HEATR1: variants seen among roughly 807,000 people sequenced by gnomAD.
The protein encoded by HEATR1 is HEAT repeat containing 1, also known as HEAT repeat-containing protein 1.
HEATR1 carries 77 observed loss-of-function variants against 248.2 expected under a neutral mutation model. The observed-to-expected ratio is 0.31, with a 90% CI of 0.26 to 0.37. The LOEUF is 0.37. Ranked by LOEUF, HEATR1 falls within the 10% of genes least tolerant of loss-of-function variation. HEATR1 has a pLI of 1.00. For missense variants in HEATR1, 2,420 were observed against 2,504.9 expected, an observed-to-expected ratio of 0.97 and a Z score of 0.72; for synonymous variants, 897 against 923.1, an observed-to-expected ratio of 0.97 and a Z score of 0.51.
intron 36 of HEATR1, 148 bp from the exon 37 acceptor site, chr1:236,557,493 T>C (rs1663010733): frequency 1.1e-5 from 8 of 750,466 alleles, no homozygotes; most frequent in Non-Finnish European, 1.7e-5. Context: ...CTATACATTT[T>C]ATGTGGCTAA....
At chr1:236,597,125 CA>C (rs59433755) in intron 5 of HEATR1, 149 bp from the exon 6 acceptor site, 7,924 of 376,616 alleles carry the variant, frequency 0.021, 1 homozygote, top group South Asian at 0.053. Context: ...TCCATGTCTC[CA>C]AAAAAAAAAA....
chr1:236,569,196 C>T lies in HEATR1; in HGVS notation c.3949-72G>A, dbSNP rs978642957. The stretch of plus-strand genomic sequence containing the variant: ...TACTAATTTTTTTTTCAAGAGATAG[C>T]GTCTCGCTCCGTCATTCAGGCTGGG... On this transcript the variant is annotated intron_variant, in intron 28 of 44. Coordinates refer to ENST00000366582, the MANE Select transcript of HEATR1 (RefSeq NM_018072.6). 6.2e-5 allele frequency: 71 copies of T among 1,150,314 alleles called. 1 individual carries two copies. Among genetic ancestry groups the T allele is most frequent in the Non-Finnish European group, 7.0e-5 (58 of 827,536 alleles). 71.3% of individuals were successfully genotyped at this position (1,150,314 alleles called of 1,614,324 possible). A position where few individuals can be genotyped will look rare whatever the true frequency, so the allele number is the denominator to read the frequency against.
chr1:236,591,989 A>C lies in HEATR1; in HGVS notation c.1422+4T>G. 1 of 1,532,328 alleles carries C rather than the reference A, an allele frequency of 6.5e-7. No individual in the cohort carries two copies. The highest frequency in any genetic ancestry group is 9.0e-7 in the Non-Finnish European group (1 of 1,108,388). The allele number at this position is 1,532,328 out of a possible 1,614,324, so 94.9% of individuals were successfully genotyped here. A position where few individuals can be genotyped will look rare whatever the true frequency, so the allele number is the denominator to read the frequency against. ...TGTCATAATTCCTTTGGAGAACAAC[A>C]TACCTGATACTTTCCTCCACTTGTA... is the stretch of plus-strand genomic sequence containing the variant. On this transcript the variant is annotated splice_donor_region_variant and intron_variant, in intron 11 of 44. Coordinates refer to ENST00000366582, the MANE Select transcript of HEATR1 (RefSeq NM_018072.6).
chr1:236,559,829 T>C lies in HEATR1; in HGVS notation c.4655A>G (p.Glu1552Gly), dbSNP rs201149006. 1.5e-5 allele frequency: 24 copies of C among 1,603,816 alleles called. No homozygotes were observed. The highest frequency in any genetic ancestry group is 2.0e-5 in the Non-Finnish European group (24 of 1,173,576). The stretch of plus-strand genomic sequence containing the variant: ...TGCACTGATATAGCCGAGAACGGTC[T>C]CCAGCAACCTGAAACACAGAGGCTC... ...ILKGLEERLL[E>G]TVLGYISAVA... The change falls in exon 34 of 45, where the codon GAG (glutamate) becomes GGG (glycine). Residue 1552 changes from glutamate to glycine, a missense_variant. Transcript: ENST00000366582.
intron 24 of HEATR1, 84 bp downstream of exon 24, chr1:236,574,118 A>G (rs993906114): frequency 4.8e-6 from 6 of 1,252,352 alleles, no homozygotes; most frequent in Non-Finnish European, 5.4e-6. Context: ...CAAGCACTAT[A>G]AAATACAGGA....
At chr1:236,569,294 G>C (rs1663358722) in intron 28 of HEATR1, among the ~76,000 whole-genome samples, 170 bp from the exon 29 acceptor site, 1 of 152,028 alleles carries the variant, frequency 6.6e-6, no homozygotes, top group African/African-American at 2.4e-5. Context: ...TTCCACCTCA[G>C]CCTCCTGAGT....
At chr1:236,597,571 C>T (rs1050820252) in intron 5 of HEATR1, among the ~76,000 whole-genome samples, 2 of 152,090 alleles carry the variant, frequency 1.3e-5, no homozygotes, top group Non-Finnish European at 2.9e-5. Context: ...TTTTAAACAG[C>T]TTTCCCAGGT....
chr1:236,591,943 C>T (rs202164410), intron 11 of HEATR1, 50 bp downstream of exon 11: 84 of 1,105,244 alleles, frequency 7.6e-5, no homozygotes, highest in Non-Finnish European at 9.3e-5. Flanking sequence ...CTTCACATAC[C>T]CATACAAATG....
chr1:236,565,018 TG>T (rs1408106818), intron 31 of HEATR1, among the ~76,000 whole-genome samples: 13 of 152,338 alleles, frequency 8.5e-5, no homozygotes, highest in African/African-American at 2.2e-4. Flanking sequence ...GGCAGTGCAG[TG>T]TTAAAAACCA....
intron 17 of HEATR1, among the ~76,000 whole-genome samples, chr1:236,584,244 G>C (rs1663827311): frequency 6.6e-6 from 1 of 152,064 alleles, no homozygotes. Context: ...CTGAGAACCA[G>C]TATAGTTCAG....
At chr1:236,570,428 G>T (rs532078621) in intron 28 of HEATR1, among the ~76,000 whole-genome samples, 2 of 152,244 alleles carry the variant, frequency 1.3e-5, no homozygotes, top group African/African-American at 4.8e-5. Flanking sequence ...ATTACTAGTG[G>T]CCAGGAGCAG....
At chr1:236,556,340 A>C in intron 37 of HEATR1, 82 bp from the exon 38 acceptor site, 1 of 1,410,804 alleles carries the variant, frequency 7.1e-7, no homozygotes, top group Non-Finnish European at 9.9e-7. Context: ...CTTCATGATG[A>C]GGTACTAGTG....
Position 236,550,859 on chromosome 1 carries a change from T to C in HEATR1, c.*43A>G. ...CACCCAAAAATAAAAATATGAAATA[T>C]GAGTGTGAACTCTGAGTAGAGTATG... On this transcript the variant is annotated 3_prime_UTR_variant, in exon 45 of 45. Transcript: ENST00000366582. 1.4e-6 allele frequency: 2 copies of C among 1,433,400 alleles called. No homozygotes were observed. Among genetic ancestry groups the C allele is most frequent in the Non-Finnish European group, 1.9e-6 (2 of 1,048,296 alleles). The allele number at this position is 1,433,400 out of a possible 1,614,324, so 88.8% of individuals were successfully genotyped here.
intron 20 of HEATR1, among the ~76,000 whole-genome samples, chr1:236,578,090 T>A (rs926263684): frequency 6.6e-6 from 1 of 152,218 alleles, no homozygotes; most frequent in Non-Finnish European, 1.5e-5. Context: ...TCACTCTAAG[T>A]GAATTTAGAA....
chr1:236,574,574 CTTTTT>C, intron 23 of HEATR1, 82 bp downstream of exon 23: 1 of 1,096,462 alleles, frequency 9.1e-7, no homozygotes, highest in African/African-American at 1.6e-5. Flanking sequence ...AAATATTAAT[CTTTTT>C]TTTTTTAACG....
chr1:236,604,355 A>C (rs1304192373), intron 1 of HEATR1, 67 bp downstream of exon 1: 1 of 370,378 alleles, frequency 2.7e-6, no homozygotes, highest in Non-Finnish European at 4.8e-6. Context: ...ATATCCGGAA[A>C]ACTCTTACCC....
chr1:236,560,235 C>T (rs570579260), intron 33 of HEATR1, among the ~76,000 whole-genome samples: 32 of 151,866 alleles, frequency 2.1e-4, no homozygotes, highest in Admixed American at 3.9e-4. Context: ...GGCACACACA[C>T]GCACACATAC....
intron 24 of HEATR1, 61 bp from the exon 25 acceptor site, chr1:236,572,889 A>G (rs1207431558): frequency 2.9e-6 from 4 of 1,397,066 alleles, no homozygotes; most frequent in Non-Finnish European, 4.1e-6. Context: ...TTAGAGCAAT[A>G]AATGTTAACC....
Position 236,568,908 on chromosome 1 carries a change from A to C in HEATR1, c.4077+88T>G, listed in dbSNP as rs1488951021. On this transcript the variant is annotated intron_variant, in intron 29 of 44. Coordinates refer to ENST00000366582, the MANE Select transcript of HEATR1 (RefSeq NM_018072.6). ...ATTAAAAAAAAAAAACAAAAAAAAA[A>C]AACTAAAAAAAAGGCTTTTAATGTC... 9.0e-5 allele frequency: 87 copies of C among 966,728 alleles called. 1 individual carries two copies. The Middle Eastern group carries it at 3.2e-3, about 36-fold the overall frequency. The allele number at this position is 966,728 out of a possible 1,614,324, so 59.9% of individuals were successfully genotyped here. A position where few individuals can be genotyped will look rare whatever the true frequency, so the allele number is the denominator to read the frequency against.
Sources: allele counts gnomAD v4.1 joint callset (sites outside exome capture counted in the v4.1 genomes callset), GRCh38; gene constraint gnomAD v4.1.1; transcripts MANE v1.5; gene names NCBI Gene and HGNC (gene_info 2026-07-23, HGNC 2026-07-21).